The following SLC5A4 variants were observed in gnomAD, a reference collection of about 807,000 sequenced individuals.
SLC5A4 encodes probable glucose sensor protein SLC5A4.
In SLC5A4, 55 loss-of-function variants were observed where a neutral mutation model predicts 70.3. The observed-to-expected ratio is 0.78, with a 90% CI of 0.63 to 0.98. SLC5A4 has a LOEUF of 0.98. Ranked by LOEUF, SLC5A4 falls within the 50% of genes least tolerant of loss-of-function variation. The pLI, the probability that SLC5A4 is intolerant of heterozygous loss-of-function variation, is 0.00. For synonymous variants in SLC5A4, 268 were observed against 305.7 expected, an observed-to-expected ratio of 0.88 and a Z score of 1.29; for missense variants, 735 against 839.2, an observed-to-expected ratio of 0.88 and a Z score of 1.53.
chr22:32,251,485 T>TTCTC (rs138657436), intron 3 of SLC5A4, among the ~76,000 whole-genome samples: 6 of 147,318 alleles, frequency 4.1e-5, no homozygotes, highest in Admixed American at 3.4e-4. Context: ...CTCTGTCTCT[T>TTCTC]TCTCTCTCTC....
At chr22:32,294,617 T>C in the SLC5A4 span, among the ~76,000 whole-genome samples, 1 of 151,840 alleles carries the variant, frequency 6.6e-6, no homozygotes, top group Non-Finnish European at 1.5e-5. Context: ...TACCCATTTT[T>C]ATAATTGCAT....
At chr22:32,332,237 C>T in the SLC5A4 span, among the ~76,000 whole-genome samples, 2 of 152,198 alleles carry the variant, frequency 1.3e-5, no homozygotes, top group South Asian at 4.2e-4. Context: ...CTAAGAAGCC[C>T]ACATCTCACC....
chr22:32,320,787 A>T, the SLC5A4 span, among the ~76,000 whole-genome samples: 11 of 152,262 alleles, frequency 7.2e-5, no homozygotes, highest in African/African-American at 2.7e-4. Context: ...GTGAGATGTC[A>T]CTTTAAATCC....
intron 13 of SLC5A4, among the ~76,000 whole-genome samples, chr22:32,222,757 G>A (rs1288581438): frequency 1.3e-5 from 2 of 151,944 alleles, no homozygotes; most frequent in African/African-American, 4.8e-5. Flanking sequence ...CACTTCTCAG[G>A]AAAATATATA....
the SLC5A4 span, among the ~76,000 whole-genome samples, chr22:32,341,144 C>T: frequency 2.0e-5 from 3 of 152,096 alleles, no homozygotes; most frequent in South Asian, 6.2e-4. Flanking sequence ...GACTCAGGCT[C>T]TGCAATGAAC....
the SLC5A4 span, among the ~76,000 whole-genome samples, chr22:32,320,646 G>C: frequency 6.6e-6 from 1 of 152,138 alleles, no homozygotes; most frequent in African/African-American, 2.4e-5. Context: ...CCTCTGCCCT[G>C]AACCTTAGTC....
At chr22:32,232,640 T>C (rs145589677) in intron 9 of SLC5A4, among the ~76,000 whole-genome samples, 1 of 152,076 alleles carries the variant, frequency 6.6e-6, no homozygotes, top group East Asian at 1.9e-4. Context: ...CTTCCTTAAA[T>C]CTAAGCAACT....
chr22:32,306,170 AATT>A, the SLC5A4 span, among the ~76,000 whole-genome samples: 1 of 152,174 alleles, frequency 6.6e-6, no homozygotes, highest in Non-Finnish European at 1.5e-5. Context: ...TTGTTATAAA[AATT>A]ACTGTATATA....
chr22:32,333,196 A>ACCCC, the SLC5A4 span, among the ~76,000 whole-genome samples: 2,513 of 135,876 alleles, frequency 0.018, 119 homozygotes, highest in East Asian at 0.16. Flanking sequence ...TAGCACTGGC[A>ACCCC]CCCCCCCCCC....
chr22:32,239,196 T>C, intron 5 of SLC5A4, 106 bp from the exon 6 acceptor site: 1 of 802,964 alleles, frequency 1.2e-6, no homozygotes, highest in East Asian at 2.6e-5. Context: ...GATAGACTCC[T>C]ACTTACCCTT....
chr22:32,234,505 C>G (rs1221128213), intron 8 of SLC5A4, among the ~76,000 whole-genome samples: 1 of 152,124 alleles, frequency 6.6e-6, no homozygotes, highest in African/African-American at 2.4e-5. Context: ...TCGAGACCAG[C>G]CTGGCCAACA....
the SLC5A4 span, among the ~76,000 whole-genome samples, chr22:32,340,867 C>T: frequency 2.6e-5 from 4 of 152,124 alleles, no homozygotes; most frequent in Non-Finnish European, 5.9e-5. Flanking sequence ...TTTAAAAGAT[C>T]GCCCTGCCAC....
chr22:32,220,898 C>A (rs774454816), intron 14 of SLC5A4, 22 bp downstream of exon 14: 1 of 1,517,948 alleles, frequency 6.6e-7, no homozygotes, highest in South Asian at 1.1e-5. Flanking sequence ...TACATGAAAA[C>A]CAAATGTAAA....
the SLC5A4 span, among the ~76,000 whole-genome samples, chr22:32,338,575 G>C: frequency 6.6e-5 from 10 of 152,280 alleles, no homozygotes; most frequent in East Asian, 1.9e-3. Flanking sequence ...CAAGAAAGGA[G>C]AATCACTTGA....
At chr22:32,246,519 T>C (rs1472496177) in intron 5 of SLC5A4, among the ~76,000 whole-genome samples, 1 of 152,136 alleles carries the variant, frequency 6.6e-6, no homozygotes, top group African/African-American at 2.4e-5. Context: ...AAAAATGTAA[T>C]GTTTGTTTGT....
the SLC5A4 span, among the ~76,000 whole-genome samples, chr22:32,353,592 C>T: frequency 6.6e-6 from 1 of 152,030 alleles, no homozygotes; most frequent in East Asian, 1.9e-4. Flanking sequence ...AGCGCAGCCC[C>T]CAACAGCACC....
At chr22:32,331,016 G>GGTGTTTTTGAGTGTTGGGGGCTCTGGT in the SLC5A4 span, among the ~76,000 whole-genome samples, 1 of 37,030 alleles carries the variant, frequency 2.7e-5, no homozygotes, top group Non-Finnish European at 5.3e-5. Flanking sequence ...TGGGGGCTCT[G>GGTGTTTTTGAGTGTTGGGGGCTCTGGT]GTGTGTGTGT....
At chr22:32,300,733 A>T in the SLC5A4 span, among the ~76,000 whole-genome samples, 1 of 152,166 alleles carries the variant, frequency 6.6e-6, no homozygotes, top group Non-Finnish European at 1.5e-5. Flanking sequence ...ATGTATCAAT[A>T]GTTACTTTTT....
chr22:32,230,783 T>C (rs958185433), intron 10 of SLC5A4, among the ~76,000 whole-genome samples, 185 bp downstream of exon 10: 1 of 152,226 alleles, frequency 6.6e-6, no homozygotes. Context: ...TAACAGTAAT[T>C]GTACCTGGTT....
Sources: allele counts gnomAD v4.1 joint callset (sites outside exome capture counted in the v4.1 genomes callset), GRCh38; gene constraint gnomAD v4.1.1; transcripts MANE v1.5; gene names NCBI Gene and HGNC (gene_info 2026-07-23, HGNC 2026-07-21).